PHACTR3: variants seen among roughly 807,000 people sequenced by gnomAD.
PHACTR3 encodes the protein phosphatase and actin regulator 3.
Under a neutral mutation model 66.8 loss-of-function variants are expected in PHACTR3, and 16 were observed. The ratio of observed to expected loss-of-function variants is 0.24; its 90% CI spans 0.16 to 0.36. The LOEUF is 0.36. Ranked by LOEUF, PHACTR3 falls within the 10% of genes least tolerant of loss-of-function variation. The probability of loss-of-function intolerance (pLI) is 1.00; values close to 1 mark genes in which losing one functional copy is unlikely to be tolerated. For synonymous variants in PHACTR3, 323 were observed against 292.1 expected (o/e 1.11, Z -1.08); for missense variants, 647 against 719.9 (o/e 0.90, Z 1.16).
At chr20:59,718,585 A>G (rs1159908327) in intron 1 of PHACTR3, among the ~76,000 whole-genome samples, 1 of 152,080 alleles carries the variant, frequency 6.6e-6, no homozygotes, top group African/African-American at 2.4e-5. Context: ...AACCTCCAAA[A>G]TAATTTTAAT....
chr20:59,751,186 G>GGGGTTAAGGAACCGGCTTCA (rs57825189), intron 3 of PHACTR3, among the ~76,000 whole-genome samples: 6 of 152,130 alleles, frequency 3.9e-5, no homozygotes, highest in African/African-American at 7.2e-5. Flanking sequence ...TCCTGGCTTT[G>GGGGTTAAGGAACCGGCTTCA]GGGTTAAGGA....
intron 1 of PHACTR3, among the ~76,000 whole-genome samples, chr20:59,646,339 C>A (rs2035280564): frequency 6.6e-6 from 1 of 152,278 alleles, no homozygotes; most frequent in Non-Finnish European, 1.5e-5. Flanking sequence ...ATTATAATAC[C>A]TTTTTATAAA....
At chr20:59,598,638 T>G (rs935882491) in intron 1 of PHACTR3, among the ~76,000 whole-genome samples, 3 of 152,220 alleles carry the variant, frequency 2.0e-5, no homozygotes, top group Non-Finnish European at 4.4e-5. Flanking sequence ...TGTGTTGTTT[T>G]TAAAAAGCCT....
At position 59,785,105 on chromosome 20, in the gene PHACTR3, A is replaced by C. The variant is rs142681877; in HGVS notation, c.1174+10615A>C. On this transcript the variant is annotated intron_variant, in intron 7 of 12. Transcript: ENST00000371015. The stretch of plus-strand genomic sequence containing the variant: ...GGGGTCTGCAGGGAGTGTCAGAGTC[A>C]GCTCCAGCTGCCGTAACAGGATACC... Among the ~76,000 whole-genome samples, 1,361 of 152,308 alleles carry C rather than the reference A, an allele frequency of 8.9e-3. 15 individuals carry two copies. The highest frequency in any genetic ancestry group is 0.031 in the African/African-American group (1,284 of 41,558).
intron 1 of PHACTR3, among the ~76,000 whole-genome samples, chr20:59,737,129 A>G (rs944757384): frequency 2.0e-5 from 3 of 152,068 alleles, no homozygotes; most frequent in Non-Finnish European, 4.4e-5. Context: ...ACGCCTCTCA[A>G]CCACTGTTTC....
At chr20:59,627,279 C>T (rs1253582941) in intron 1 of PHACTR3, among the ~76,000 whole-genome samples, 1 of 152,176 alleles carries the variant, frequency 6.6e-6, no homozygotes, top group Non-Finnish European at 1.5e-5. Context: ...TCTCATTGCT[C>T]CCTTGCTTCT....
intron 1 of PHACTR3, among the ~76,000 whole-genome samples, chr20:59,676,448 C>T (rs1001918139): frequency 5.3e-5 from 8 of 152,256 alleles, no homozygotes; most frequent in African/African-American, 7.2e-5. Flanking sequence ...CTGGGTTGCC[C>T]TCCTCACCCC....
chr20:59,674,583 C>T (rs58539236), intron 1 of PHACTR3, among the ~76,000 whole-genome samples: 2 of 49,908 alleles, frequency 4.0e-5, no homozygotes, highest in African/African-American at 1.5e-4. Flanking sequence ...TCCTGTTCCC[C>T]CCTTCTCCTG....
At chr20:59,588,932 G>C (rs924383654) in intron 1 of PHACTR3, among the ~76,000 whole-genome samples, 1 of 152,220 alleles carries the variant, frequency 6.6e-6, no homozygotes, top group African/African-American at 2.4e-5. Context: ...GTGAGTCCCA[G>C]GTTTCCAGGG....
rs191850745 is a variant in PHACTR3, at chr20:59,830,642, C to A, written c.1329-5863C>A. Among the ~76,000 whole-genome samples, 1 of 152,146 alleles carries A rather than the reference C, an allele frequency of 6.6e-6. No individual in the cohort carries two copies. The highest frequency in any genetic ancestry group is 1.5e-5 in the Non-Finnish European group (1 of 68,026). ...AGGTGGAAGAGACCTGGGCTCAGCA[C>A]GCCAGGTGAATAATATCAGTGCTAT... is the stretch of plus-strand genomic sequence containing the variant. On this transcript the variant is annotated intron_variant, in intron 8 of 12. Transcript: ENST00000371015. The surrounding 1 kb of genome is among the most constrained non-coding windows in gnomAD (Gnocchi z 5.8).
intron 1 of PHACTR3, among the ~76,000 whole-genome samples, chr20:59,606,481 C>T (rs369259357): frequency 1.6e-4 from 24 of 152,256 alleles, no homozygotes; most frequent in African/African-American, 5.1e-4. Context: ...CAGAGGCTGC[C>T]ATGGCCGACC....
At chr20:59,821,883 T>G (rs2042037134) in intron 8 of PHACTR3, among the ~76,000 whole-genome samples, 1 of 151,300 alleles carries the variant, frequency 6.6e-6, no homozygotes, top group Non-Finnish European at 1.5e-5. Flanking sequence ...GGCAGGAAGT[T>G]GAGGAGGAGG....
intron 1 of PHACTR3, among the ~76,000 whole-genome samples, chr20:59,689,362 G>A (rs1372338854): frequency 6.6e-6 from 1 of 152,258 alleles, no homozygotes; most frequent in African/African-American, 2.4e-5. Context: ...CCCAGAAGCA[G>A]GAAGATGGTG....
chr20:59,601,171 T>A (rs2033469142), upstream of PHACTR3, among the ~76,000 whole-genome samples: 1 of 152,206 alleles, frequency 6.6e-6, no homozygotes, highest in Non-Finnish European at 1.5e-5. Flanking sequence ...CGTCCACAGA[T>A]CTGCTTTCTG....
At chr20:59,627,330 G>T (rs2034491384) in intron 1 of PHACTR3, among the ~76,000 whole-genome samples, 1 of 152,186 alleles carries the variant, frequency 6.6e-6, no homozygotes, top group Admixed American at 6.5e-5. Context: ...CTTCACCTAA[G>T]CCCGCCTGCA....
intron 7 of PHACTR3, among the ~76,000 whole-genome samples, chr20:59,778,914 T>C (rs749475549): frequency 2.6e-5 from 4 of 152,152 alleles, no homozygotes; most frequent in Non-Finnish European, 5.9e-5. Context: ...GTAGCACTCA[T>C]TGTAGAAACT....
At chr20:59,807,076 C>T (rs1294688444) in intron 8 of PHACTR3, among the ~76,000 whole-genome samples, 2 of 152,212 alleles carry the variant, frequency 1.3e-5, no homozygotes, top group Admixed American at 1.3e-4. Context: ...CGTGCACCTC[C>T]GCAGACTTCA....
intron 1 of PHACTR3, among the ~76,000 whole-genome samples, chr20:59,608,105 G>A (rs2033725822): frequency 6.6e-6 from 1 of 152,200 alleles, no homozygotes. Context: ...CAACACCTGA[G>A]ATCATCAATC....
In PHACTR3 at chr20:59,604,837, C is replaced by T. The variant is rs1481301399; in HGVS notation, c.-178C>T. The T allele has an allele frequency of 1.2e-4, 143 of 1,212,578 alleles. 1 individual carries two copies. The highest frequency in any genetic ancestry group is 3.2e-4 in the Middle Eastern group (1 of 3,146). 75.1% of individuals were successfully genotyped at this position (1,212,578 alleles called of 1,614,324 possible). On this transcript the variant is annotated 5_prime_UTR_variant, in exon 1 of 13. Transcript: ENST00000371015. Reference sequence around the variant, plus strand: ...GGCTATTGTCTCCCCGCCCTGAAGCCAGCCCCGGCGTCTTTCTCCAGCTCG... The same window carrying T: ...GGCTATTGTCTCCCCGCCCTGAAGCTAGCCCCGGCGTCTTTCTCCAGCTCG...
Sources: allele counts gnomAD v4.1 joint callset (sites outside exome capture counted in the v4.1 genomes callset), GRCh38; gene constraint gnomAD v4.1.1; non-coding constraint Gnocchi (gnomAD v3.1); transcripts MANE v1.5; gene names NCBI Gene and HGNC (gene_info 2026-07-23, HGNC 2026-07-21).